ZNF248: variants seen among roughly 807,000 people sequenced by gnomAD.
ZNF248 encodes zinc finger protein 248.
Under a neutral mutation model 44.3 loss-of-function variants are expected in ZNF248, and 20 were observed. That is an observed-to-expected ratio of 0.45 (90% CI 0.32 to 0.66). The LOEUF (loss-of-function observed/expected upper bound fraction) is 0.66. ZNF248 is among the 30% of genes least tolerant of loss of function. The pLI is 0.04. For synonymous variants in ZNF248, 224 were observed against 229.0 expected (o/e 0.98, Z 0.20); for missense variants, 654 against 677.0 (o/e 0.97, Z 0.38).
chr10:37,781,684 T>C (rs939677836), intron 6 of ZNF248, among the ~76,000 whole-genome samples: 3 of 152,204 alleles, frequency 2.0e-5, no homozygotes, highest in African/African-American at 4.8e-5. Flanking sequence ...TACCTTTTTA[T>C]GTATGAGAAA....
At chr10:37,789,930 T>A (rs577976598) in intron 6 of ZNF248, among the ~76,000 whole-genome samples, 2 of 152,310 alleles carry the variant, frequency 1.3e-5, no homozygotes, top group Admixed American at 1.3e-4. Context: ...AGTGGATGAA[T>A]GAACCACAAG....
At chr10:37,795,071 T>C (rs1340379623) in intron 6 of ZNF248, 1 of 152,274 alleles carries the variant, frequency 6.6e-6, no homozygotes, top group Non-Finnish European at 1.5e-5. Context: ...AGTAAACTCA[T>C]AAAGTTTCTC....
intron 6 of ZNF248, among the ~76,000 whole-genome samples, chr10:37,806,216 T>C (rs756511056): frequency 2.6e-5 from 4 of 152,152 alleles, no homozygotes; most frequent in Non-Finnish European, 5.9e-5. Context: ...ATTTTGGATA[T>C]ATACTCAGAA....
rs2055847563 is a variant in ZNF248, at chr10:37,832,145, C to T, written c.1210G>A (p.Gly404Arg). 1 of 1,614,058 alleles carries T rather than the reference C, an allele frequency of 6.2e-7. No individual in the cohort carries two copies. Among genetic ancestry groups the T allele is most frequent in the Non-Finnish European group, 8.5e-7 (1 of 1,179,962 alleles). ...TCAGTACATTCATAGGGCTTCTCTC[C>T]TGTGTGTGTTCTCTGATGTTGAGTG... ...NLTQHQRTHT[G>R]EKPYECTECG... Residue 404 changes from glycine to arginine, a missense_variant, in exon 6 of 6, where the codon GGA (glycine) becomes AGA (arginine). Physicochemically the swap from Gly to Arg is moderately radical, Grantham distance 125. Coordinates refer to ENST00000395867, the MANE Select transcript of ZNF248 (RefSeq NM_021045.3).
intron 6 of ZNF248, among the ~76,000 whole-genome samples, chr10:37,779,567 G>A (rs2047031337): frequency 6.6e-6 from 1 of 151,190 alleles, no homozygotes; most frequent in Admixed American, 6.6e-5. Context: ...CATACTGAAT[G>A]GGCAAAAACT....
chr10:37,850,023 A>T (rs904377670), intron 3 of ZNF248, among the ~76,000 whole-genome samples: 14 of 152,090 alleles, frequency 9.2e-5, no homozygotes, highest in African/African-American at 3.4e-4. Context: ...ATGAGCTGAG[A>T]TCACACCACT....
the ZNF248 span, among the ~76,000 whole-genome samples, chr10:37,768,235 A>G: frequency 2.0e-5 from 3 of 152,202 alleles, no homozygotes; most frequent in Admixed American, 6.5e-5. Context: ...AAAGTTAACA[A>G]GGATACCCAG....
chr10:37,782,397 G>A (rs769866935), intron 6 of ZNF248, among the ~76,000 whole-genome samples: 2 of 152,042 alleles, frequency 1.3e-5, no homozygotes, highest in Non-Finnish European at 2.9e-5. Flanking sequence ...GTTAAGATTT[G>A]GGGGCATATT....
chr10:37,817,375 TAAAAA>T (rs35493240), intron 6 of ZNF248, among the ~76,000 whole-genome samples: 6 of 150,744 alleles, frequency 4.0e-5, no homozygotes, highest in East Asian at 1.9e-4. Context: ...CCTTTATTTT[TAAAAA>T]AAAAATAGCA....
chr10:37,831,357 C>T lies in ZNF248; in HGVS notation c.*258G>A, dbSNP rs1208730. ...TAAATATTGTCCATTATATTTGCAA[C>T]AAAATTTTGGTATCACGTCTGGAAT... On this transcript the variant is annotated 3_prime_UTR_variant, in exon 6 of 6. Coordinates refer to ENST00000395867, the MANE Select transcript of ZNF248 (RefSeq NM_021045.3). The T allele has an allele frequency of 0.075, 115,630 of 1,546,334 alleles. 4,909 individuals are homozygous for T. Among genetic ancestry groups the T allele is most frequent in the Non-Finnish European group, 0.087 (99,124 of 1,144,736 alleles).
chr10:37,767,144 C>G, the ZNF248 span, among the ~76,000 whole-genome samples: 1 of 152,166 alleles, frequency 6.6e-6, no homozygotes, highest in African/African-American at 2.4e-5. Context: ...AAATCTACAT[C>G]TGATTGGTGT....
chr10:37,822,416 GA>G (rs930001262), intron 6 of ZNF248, among the ~76,000 whole-genome samples: 8 of 151,752 alleles, frequency 5.3e-5, no homozygotes, highest in African/African-American at 1.4e-4. Context: ...AAACAAAAAT[GA>G]AAAAAAATTC....
chr10:37,772,500 A>G (rs950468168), downstream of ZNF248, among the ~76,000 whole-genome samples: 1 of 152,218 alleles, frequency 6.6e-6, no homozygotes, highest in African/African-American at 2.4e-5. Context: ...TTGCTACTGT[A>G]TAAGCACAGT....
intron 6 of ZNF248, among the ~76,000 whole-genome samples, chr10:37,787,646 CA>C (rs61458852): frequency 0.53 from 74,537 of 141,298 alleles, 18,880 homozygotes; most frequent in African/African-American, 0.61. Flanking sequence ...ATCCCCATGC[CA>C]AAAAAAAAAA....
chr10:37,857,369 C>T lies in ZNF248; in HGVS notation c.-310G>A, dbSNP rs1023631948. On this transcript the variant is annotated 5_prime_UTR_variant, in exon 1 of 6. Transcript: ENST00000395867. ...GGTCAGCTAGGCCAGCCCCTTCGCT[C>T]CTGCACTCCACGGGCAGAGAGGCCC... 2.0e-5 allele frequency: 3 copies of T among 152,336 alleles called. No individual in the cohort carries two copies. The highest frequency in any genetic ancestry group is 2.9e-5 in the Non-Finnish European group (2 of 68,124). The allele number at this position is 152,336 out of a possible 1,614,324, so 9.4% of individuals were successfully genotyped here.
chr10:37,825,456 T>G (rs1339602351), downstream of ZNF248, among the ~76,000 whole-genome samples: 3 of 152,206 alleles, frequency 2.0e-5, no homozygotes, highest in African/African-American at 7.2e-5. Flanking sequence ...CTTTTGTTTT[T>G]GAGACAGGCA....
the ZNF248 span, among the ~76,000 whole-genome samples, chr10:37,761,106 T>A: frequency 6.6e-6 from 1 of 152,204 alleles, no homozygotes; most frequent in Admixed American, 6.5e-5. Flanking sequence ...TGTAGACACA[T>A]TTTCTCAACA....
chr10:37,828,819 C>G lies in ZNF248; in HGVS notation c.*2796G>C, dbSNP rs927068450. On this transcript the variant is annotated 3_prime_UTR_variant, in exon 6 of 6. Transcript: ENST00000395867. ...ATACAGAGCTGCTTACCTTACACCA[C>G]ATACAATAAGAAACACCACAGGGAG... The G allele has an allele frequency of 1.0e-6, 1 of 985,294 alleles. No individual in the cohort carries two copies. Among genetic ancestry groups the G allele is most frequent in the African/African-American group, 1.7e-5 (1 of 57,230 alleles). The allele number at this position is 985,294 out of a possible 1,614,324, so 61.0% of individuals were successfully genotyped here. A position where few individuals can be genotyped will look rare whatever the true frequency, so the allele number is the denominator to read the frequency against.
chr10:37,804,771 AG>A (rs1426482823), intron 6 of ZNF248, among the ~76,000 whole-genome samples: 2 of 152,236 alleles, frequency 1.3e-5, no homozygotes, highest in African/African-American at 4.8e-5. Flanking sequence ...CTTAATATCA[AG>A]GATGGGTTAT....
Sources: gnomAD v4.1 joint callset for allele counts (sites outside exome capture counted in the v4.1 genomes callset) on GRCh38, gnomAD v4.1.1 for gene constraint, MANE v1.5 for transcripts, NCBI Gene and HGNC (gene_info 2026-07-23, HGNC 2026-07-21) for gene names.